The following PSEN2 variants were observed in gnomAD, a reference collection of about 807,000 sequenced individuals.
The protein encoded by PSEN2 is presenilin 2, also known as presenilin-2.
Under a neutral mutation model 49.1 loss-of-function variants are expected in PSEN2, and 32 were observed. The ratio of observed to expected loss-of-function variants is 0.65; its 90% confidence interval spans 0.49 to 0.88. The LOEUF (loss-of-function observed/expected upper bound fraction) is 0.88, where lower values mean the gene tolerates loss of function less well. Among genes scored for constraint, PSEN2 ranks in the 40% least tolerant of loss-of-function variants. PSEN2 has a pLI of 0.00. For synonymous variants in PSEN2, 255 were observed against 244.0 expected (o/e 1.05, Z -0.42); for missense variants, 522 against 586.9 (o/e 0.89, Z 1.14).
Position 226,895,668 on chromosome 1 carries a change from A to G in PSEN2, c.*89A>G. The G allele has an allele frequency of 7.0e-7, 1 of 1,433,340 alleles. No individual in the cohort carries two copies. Among genetic ancestry groups the G allele is most frequent in the Non-Finnish European group, 9.6e-7 (1 of 1,046,756 alleles). The allele number at this position is 1,433,340 out of a possible 1,614,324, so 88.8% of individuals were successfully genotyped here. ...TTACACTCTAGTGCCATATATTTTT[A>G]AGACTTTTCTTTCCTTAAAAAATAA... On this transcript the variant is annotated 3_prime_UTR_variant, in exon 13 of 13. Coordinates refer to ENST00000366783, the MANE Select transcript of PSEN2 (RefSeq NM_000447.3).
In PSEN2 at chr1:226,891,334, C is replaced by T. The variant is rs1434992855; in HGVS notation, c.943C>T (p.Leu315Phe). The T allele has an allele frequency of 6.2e-7, 1 of 1,613,784 alleles. No homozygotes were observed. The highest frequency in any genetic ancestry group is 1.7e-5 in the Admixed American group (1 of 60,000). The change falls in exon 10 of 13, where the codon CTC (leucine) becomes TTC (phenylalanine). Residue 315 changes from leucine (L) to phenylalanine (F), a missense_variant. Coordinates refer to ENST00000366783, the MANE Select transcript of PSEN2 (RefSeq NM_000447.3). ...GCTGGACCCCTCCTCTCAGGGTGCC[C>T]TCCAGCTCCCCTACGACCCGGAGAT... Reference protein sequence around the residue: ...AKLDPSSQGALQLPYDPEMEE... With the variant: ...AKLDPSSQGAFQLPYDPEMEE...
In PSEN2 at chr1:226,883,740, C is replaced by A. The variant is rs767577993; in HGVS notation, c.177C>A (p.Asp59Glu). The change falls in exon 5 of 13, where the codon GAC becomes GAA. Residue 59 changes from aspartate to glutamate, a missense_variant. Coordinates refer to ENST00000366783, the MANE Select transcript of PSEN2 (RefSeq NM_000447.3). Reference protein sequence around the residue: ...SQENEEDGEEDPDRYVCSGVP... With the variant: ...SQENEEDGEEEPDRYVCSGVP... Reference sequence around the variant, plus strand: ...AGAACGAGGAGGACGGTGAGGAGGACCCTGACCGCTATGTCTGTAGTGGGG... The same window carrying A: ...AGAACGAGGAGGACGGTGAGGAGGAACCTGACCGCTATGTCTGTAGTGGGG... 1 of 1,614,032 alleles carries A rather than the reference C, an allele frequency of 6.2e-7. No individual in the cohort carries two copies. Among genetic ancestry groups the A allele is most frequent in the East Asian group, 2.2e-5 (1 of 44,896 alleles).
chr1:226,880,946 C>T (rs940132984), intron 3 of PSEN2, among the ~76,000 whole-genome samples: 3 of 152,196 alleles, frequency 2.0e-5, no homozygotes, highest in African/African-American at 7.2e-5. Context: ...CCCATTTTAT[C>T]CCATAGACAC....
intron 11 of PSEN2, among the ~76,000 whole-genome samples, chr1:226,892,671 C>T (rs1444144257): frequency 6.6e-6 from 1 of 152,038 alleles, no homozygotes; most frequent in African/African-American, 2.4e-5. Context: ...CAGGTGCGCA[C>T]CCTCCAGGCA....
intron 4 of PSEN2, 114 bp from the exon 5 acceptor site, chr1:226,883,591 A>T: frequency 2.0e-6 from 2 of 1,005,608 alleles, no homozygotes; most frequent in Non-Finnish European, 3.1e-6. Flanking sequence ...ACTGCTCCTT[A>T]TATCTGGAAA....
At chr1:226,872,408 G>A (rs561252866) in intron 2 of PSEN2, among the ~76,000 whole-genome samples, 3 of 152,212 alleles carry the variant, frequency 2.0e-5, no homozygotes, top group Admixed American at 1.3e-4. Flanking sequence ...ACAAGTTCAG[G>A]GAGTTAAGCA....
intron 4 of PSEN2, among the ~76,000 whole-genome samples, chr1:226,882,672 G>GT (rs1454241114): frequency 6.6e-6 from 1 of 152,102 alleles, no homozygotes. Context: ...TGTGTGGACT[G>GT]TTTTCTTGCA....
At position 226,888,886 on chromosome 1, in the gene PSEN2, C is replaced by A. The variant is rs754571073; in HGVS notation, c.624C>A (p.Val208=). 14 of 1,614,118 alleles carry A rather than the reference C, an allele frequency of 8.7e-6. No homozygotes were observed. In the African/African-American group the frequency reaches 9.3e-5, roughly 11 times the overall value. The change falls in exon 8 of 13, where the codon GTC becomes GTA. Residue 208 remains valine (V), a synonymous_variant. Transcript: ENST00000366783. ...AMDYPTLLLT[V]WNFGAVGMVC... ...ACTACCCCACCCTCTTGCTGACTGT[C>A]TGGAACTTCGGGGCAGTGGGCATGG...
chr1:226,880,687 G>A, intron 3 of PSEN2: 1 of 1,612,928 alleles, frequency 6.2e-7, no homozygotes. Context: ...ATTGTTTGAA[G>A]TTCTTCCCAG....
At chr1:226,899,381 T>A (rs1283183324), downstream of PSEN2, 2 of 152,232 alleles carry the variant, frequency 1.3e-5, no homozygotes, top group Non-Finnish European at 1.5e-5. Context: ...TCCTGACATA[T>A]ACCAAGTTTC....
chr1:226,887,223 TGGTGGTGGCCCGGGCAGCCA>T (rs1558148124), intron 6 of PSEN2, among the ~76,000 whole-genome samples: 1 of 152,130 alleles, frequency 6.6e-6, no homozygotes, highest in Non-Finnish European at 1.5e-5. Flanking sequence ...TACAGGCAGA[TGGTGGTGGCCCGGGCAGCCA>T]GGTGGTGGCT....
downstream of PSEN2, among the ~76,000 whole-genome samples, chr1:226,901,173 C>A (rs970550050): frequency 1.3e-5 from 2 of 152,200 alleles, no homozygotes; most frequent in African/African-American, 4.8e-5. Context: ...CGGTGGCTCA[C>A]ACCTGTAATC....
chr1:226,883,685 CA>C lies in PSEN2; in HGVS notation c.142-19del. The C allele has an allele frequency of 6.2e-7, 1 of 1,611,638 alleles. No individual in the cohort carries two copies. Among genetic ancestry groups the C allele is most frequent in the Non-Finnish European group, 8.5e-7 (1 of 1,178,714 alleles). On this transcript the variant is annotated intron_variant, in intron 4 of 12. Transcript: ENST00000366783. Reference sequence around the variant, plus strand: ...GCCGTGGGGGACATTCTGCGGCCCTCACGATGTGGTTTCCCACAGAGAAGCC... The same window carrying C: ...GCCGTGGGGGACATTCTGCGGCCCTCCGATGTGGTTTCCCACAGAGAAGCC...
intron 3 of PSEN2, among the ~76,000 whole-genome samples, chr1:226,875,773 TGCTGACACAAGCACG>T (rs1241225846): frequency 6.6e-6 from 1 of 152,240 alleles, no homozygotes; most frequent in African/African-American, 2.4e-5. Context: ...TTGCAGGAAC[TGCTGACACAAGCACG>T]GCTGGGGAGA....
At chr1:226,876,267 A>G (rs1310399003) in intron 3 of PSEN2, among the ~76,000 whole-genome samples, 1 of 152,202 alleles carries the variant, frequency 6.6e-6, no homozygotes, top group Admixed American at 6.5e-5. Flanking sequence ...TGGCTTGCAA[A>G]GCAGGCCCTC....
chr1:226,891,809 G>A lies in PSEN2; in HGVS notation c.1037G>A (p.Gly346Asp), dbSNP rs1365789341. 6.2e-7 allele frequency: 1 copy of A among 1,614,152 alleles called. No homozygotes were observed. The highest frequency in any genetic ancestry group is 8.5e-7 in the Non-Finnish European group (1 of 1,180,014). ...GAAGTCTTTGAGCCTCCCTTGACTG[G>A]CTACCCAGGGGAGGAGCTGGAGGAA... The part of the protein sequence containing the change: ...YPEVFEPPLT[G>D]YPGEELEEEE... Residue 346 changes from glycine to aspartate, a missense_variant, in exon 11 of 13, where the codon GGC becomes GAC. Coordinates refer to ENST00000366783, the MANE Select transcript of PSEN2 (RefSeq NM_000447.3).
intron 7 of PSEN2, 66 bp downstream of exon 7, chr1:226,888,224 C>A: frequency 2.2e-6 from 3 of 1,382,192 alleles, no homozygotes; most frequent in Non-Finnish European, 3.1e-6. Flanking sequence ...TGGACATGGG[C>A]ATGAGGACCT....
At chr1:226,873,110 G>C (rs1660414526) in intron 2 of PSEN2, among the ~76,000 whole-genome samples, 1 of 151,980 alleles carries the variant, frequency 6.6e-6, no homozygotes, top group Admixed American at 6.6e-5. Flanking sequence ...CCAGGAGGCG[G>C]AGGTTGCAGT....
At position 226,895,714 on chromosome 1, in the gene PSEN2, G is replaced by A. The variant is rs1297615798; in HGVS notation, c.*135G>A. 5 of 1,128,468 alleles carry A rather than the reference G, an allele frequency of 4.4e-6. No individual in the cohort carries two copies. In the East Asian group the frequency reaches 1.3e-4, roughly 29 times the overall value. The allele number at this position is 1,128,468 out of a possible 1,614,324, so 69.9% of individuals were successfully genotyped here. ...AATAAAGTACGTGTTTACTTGGTGA[G>A]GAGGAGGCAGAACCAGCTCTTTGGT... On this transcript the variant is annotated 3_prime_UTR_variant, in exon 13 of 13. Transcript: ENST00000366783.
Sources: allele counts gnomAD v4.1 joint callset (sites outside exome capture counted in the v4.1 genomes callset), GRCh38; gene constraint gnomAD v4.1.1; transcripts MANE v1.5; gene names NCBI Gene and HGNC (gene_info 2026-07-23, HGNC 2026-07-21).